The following ARHGAP8 variants were observed in gnomAD, a reference collection of about 807,000 sequenced individuals.
ARHGAP8 encodes the protein Rho GTPase activating protein 8.
Under a neutral mutation model 46.1 loss-of-function variants are expected in ARHGAP8, and 62 were observed. The observed-to-expected ratio is 1.34, with a 90% CI of 1.10 to 1.66. The LOEUF (loss-of-function observed/expected upper bound fraction) is 1.66, where lower values mean the gene tolerates loss of function less well. Among genes scored for constraint, ARHGAP8 ranks in the 40% most tolerant of loss-of-function variants. ARHGAP8 has a pLI of 0.00. For synonymous variants in ARHGAP8, 375 were observed against 243.1 expected, an observed-to-expected ratio of 1.54 and a Z score of -5.05; for missense variants, 923 against 568.4, an observed-to-expected ratio of 1.62 and a Z score of -6.34.
rs58207915 is a variant in ARHGAP8, at chr22:44,852,189, C to CA, written c.877+3157dup. Among the ~76,000 whole-genome samples, 151 of 76,016 alleles carry CA rather than the reference C, an allele frequency of 2.0e-3. 1 individual carries two copies. The highest frequency in any genetic ancestry group is 5.7e-3 in the African/African-American group (93 of 16,328). 49.9% of individuals were successfully genotyped at this position (76,016 alleles called of 152,430 possible). A position where few individuals can be genotyped will look rare whatever the true frequency, so the allele number is the denominator to read the frequency against. ...CCTGGGCGACAGAGTGAGACTTTGTCAAAAAAAAAAAAAAAAAAAAAAAAA... is the reference window on the plus strand; with the variant it reads ...CCTGGGCGACAGAGTGAGACTTTGTCAAAAAAAAAAAAAAAAAAAAAAAAAA... On this transcript the variant is annotated intron_variant, in intron 10 of 11. Coordinates refer to ENST00000356099, the MANE Select transcript of ARHGAP8 (RefSeq NM_181335.3).
At chr22:44,861,952 C>G (rs550570624) in intron 11 of ARHGAP8, among the ~76,000 whole-genome samples, 80 of 152,294 alleles carry the variant, frequency 5.3e-4, no homozygotes, top group Middle Eastern at 3.4e-3. Flanking sequence ...AAGTTCGTAC[C>G]GTCTGTGCTA....
chr22:44,813,245 T>C (rs968357141), intron 4 of ARHGAP8, among the ~76,000 whole-genome samples: 1 of 151,592 alleles, frequency 6.6e-6, no homozygotes, highest in Non-Finnish European at 1.5e-5. Flanking sequence ...AATGTACATA[T>C]ACATACACTT....
intron 2 of ARHGAP8, among the ~76,000 whole-genome samples, chr22:44,796,731 G>A (rs1196597727): frequency 1.3e-5 from 2 of 152,306 alleles, no homozygotes; most frequent in East Asian, 1.9e-4. Context: ...TACCCTGCGC[G>A]TCTCTTCCTA....
At chr22:44,764,166 C>G in intron 1 of ARHGAP8, among the ~76,000 whole-genome samples, 1 of 152,056 alleles carries the variant, frequency 6.6e-6, no homozygotes, top group East Asian at 1.9e-4. Flanking sequence ...AAACAACTCC[C>G]GAAGAGTCAG....
intron 2 of ARHGAP8, 43 bp downstream of exon 2, chr22:44,786,649 A>T: frequency 6.3e-7 from 1 of 1,583,446 alleles, no homozygotes; most frequent in South Asian, 1.2e-5. Flanking sequence ...TGGGCAGAGC[A>T]GCCTTCCTCT....
At chr22:44,830,408 T>C (rs899351455) in intron 7 of ARHGAP8, among the ~76,000 whole-genome samples, 1 of 152,104 alleles carries the variant, frequency 6.6e-6, no homozygotes, top group Non-Finnish European at 1.5e-5. Context: ...CTTGGCTCAC[T>C]GCAACCTCTG....
intron 11 of ARHGAP8, among the ~76,000 whole-genome samples, chr22:44,861,061 T>A (rs1207106480): frequency 6.6e-6 from 1 of 152,210 alleles, no homozygotes; most frequent in Non-Finnish European, 1.5e-5. Context: ...TGGTGTGCAC[T>A]GGTGCAATCT....
At chr22:44,757,174 C>A (rs192271491) in intron 1 of ARHGAP8, among the ~76,000 whole-genome samples, 2 of 152,146 alleles carry the variant, frequency 1.3e-5, no homozygotes, top group Non-Finnish European at 2.9e-5. Flanking sequence ...TCTTGGCCCC[C>A]CAAAGTGCTG....
intron 7 of ARHGAP8, 94 bp downstream of exon 7, chr22:44,825,687 G>A (rs1341315354): frequency 1.4e-6 from 2 of 1,398,306 alleles, no homozygotes; most frequent in South Asian, 2.7e-5. Flanking sequence ...CCAGACGTTT[G>A]TCTCCAGCAG....
At chr22:44,826,214 C>T (rs1162081345) in intron 7 of ARHGAP8, among the ~76,000 whole-genome samples, 2 of 152,108 alleles carry the variant, frequency 1.3e-5, no homozygotes, top group Non-Finnish European at 2.9e-5. Flanking sequence ...CGTGGTCACT[C>T]TGCATCCCTG....
chr22:44,758,500 G>A (rs539601485), intron 1 of ARHGAP8, among the ~76,000 whole-genome samples: 4 of 152,172 alleles, frequency 2.6e-5, no homozygotes, highest in Non-Finnish European at 4.4e-5. Flanking sequence ...CCAGGCAGCC[G>A]GTGAGGAGGT....
intron 10 of ARHGAP8, among the ~76,000 whole-genome samples, chr22:44,858,462 A>C (rs1304968151): frequency 7.1e-6 from 1 of 140,124 alleles, no homozygotes; most frequent in Non-Finnish European, 1.5e-5. Context: ...CTGTCTTCTG[A>C]GTTCAAGCAA....
chr22:44,852,151 T>A (rs1300441958), intron 10 of ARHGAP8, among the ~76,000 whole-genome samples: 2 of 124,574 alleles, frequency 1.6e-5, no homozygotes, highest in East Asian at 5.2e-4. Context: ...GAGATCGCAC[T>A]GCTGCACTCC....
chr22:44,861,062 G>A (rs2070457714), intron 11 of ARHGAP8, among the ~76,000 whole-genome samples: 1 of 152,078 alleles, frequency 6.6e-6, no homozygotes, highest in Admixed American at 6.5e-5. Flanking sequence ...GGTGTGCACT[G>A]GTGCAATCTC....
chr22:44,808,403 C>G lies in ARHGAP8; in HGVS notation c.264C>G (p.Gly88=). ...GLNSRNKPSL[G]WLQSAYKEFD... is the part of the protein sequence containing the mutation. ...ACAGCCGGAACAAGCCTTCCCTGGG[C>G]TGGCTCCAGAGCGCATACAAGGAGT... The change falls in exon 4 of 12, where the codon GGC becomes GGG. Residue 88 remains glycine (G), a synonymous_variant. Transcript: ENST00000356099. The G allele has an allele frequency of 6.2e-7, 1 of 1,614,228 alleles. No individual in the cohort carries two copies. Among genetic ancestry groups the G allele is most frequent in the Non-Finnish European group, 8.5e-7 (1 of 1,180,042 alleles).
At chr22:44,837,247 A>G (rs1222682698) in intron 7 of ARHGAP8, among the ~76,000 whole-genome samples, 1 of 152,198 alleles carries the variant, frequency 6.6e-6, no homozygotes, top group East Asian at 1.9e-4. Context: ...GCAAAACCAG[A>G]GAAAAAACAT....
chr22:44,765,261 CTGTAGCTG>C (rs1329298460), intron 1 of ARHGAP8: 2 of 152,418 alleles, frequency 1.3e-5, no homozygotes, highest in African/African-American at 4.8e-5. Context: ...AGCAAGAATG[CTGTAGCTG>C]TGTCCCTGTG....
chr22:44,833,091 CTTTTCT>C (rs1206684059), intron 7 of ARHGAP8, among the ~76,000 whole-genome samples: 2 of 126,852 alleles, frequency 1.6e-5, no homozygotes, highest in African/African-American at 3.2e-5. Flanking sequence ...CTTTTCTTTT[CTTTTCT>C]TTTTTTTTTT....
At chr22:44,764,478 C>T (rs535106025) in intron 1 of ARHGAP8, among the ~76,000 whole-genome samples, 7 of 152,290 alleles carry the variant, frequency 4.6e-5, no homozygotes, top group African/African-American at 7.2e-5. Context: ...GCGCGTGCGA[C>T]GGTGGTTCTT....
Sources: allele counts gnomAD v4.1 joint callset (sites outside exome capture counted in the v4.1 genomes callset), GRCh38; gene constraint gnomAD v4.1.1; transcripts MANE v1.5; gene names NCBI Gene and HGNC (gene_info 2026-07-23, HGNC 2026-07-21).